Variants in MAP4K4 observed in about 807,000 individuals in gnomAD.
MAP4K4 encodes HPK/GCK-like kinase HGK.
MAP4K4 carries 38 observed loss-of-function variants against 189.6 expected under a neutral mutation model. That is an observed-to-expected ratio of 0.20 (90% confidence interval 0.15 to 0.26). The LOEUF is 0.26. MAP4K4 is among the 10% of genes least tolerant of loss of function. The pLI is 1.00. For synonymous variants in MAP4K4, 610 were observed against 624.3 expected (o/e 0.98, Z 0.34); for missense variants, 1,054 against 1,726.9 (o/e 0.61, Z 6.91).
At chr2:101,856,308 C>CA (rs759587339) in intron 13 of MAP4K4, among the ~76,000 whole-genome samples, 170 bp downstream of exon 13, 37 of 152,236 alleles carry the variant, frequency 2.4e-4, no homozygotes, top group African/African-American at 7.9e-4. Context: ...GTTGGAATGA[C>CA]ACCAATAAAT....
rs1436547658 is a variant in MAP4K4 at position 101,856,579 on chromosome 2, T to TGTA, written c.1395+441_1395+442insGTA. On this transcript the variant is annotated intron_variant, in intron 13 of 32. Coordinates refer to ENST00000324219, the Ensembl canonical transcript of MAP4K4. Reference sequence around the variant, plus strand: ...GGCTAAGTGAATACTGTAATATATATCAGCATGTAATTCTGTATATACACA... The same window carrying TGTA: ...GGCTAAGTGAATACTGTAATATATATGTACAGCATGTAATTCTGTATATACACA... 2.0e-5 allele frequency among the ~76,000 whole-genome samples: 3 copies of TGTA among 152,256 alleles called. No individual in the cohort carries two copies. The East Asian group carries it at 5.8e-4, about 29-fold the overall frequency.
At chr2:101,785,646 A>C (rs2148690444) in intron 2 of MAP4K4, among the ~76,000 whole-genome samples, 1 of 142,428 alleles carries the variant, frequency 7.0e-6, no homozygotes, top group Admixed American at 6.8e-5. Flanking sequence ...GAAGATAGGA[A>C]CATTGCCATC....
intron 2 of MAP4K4, among the ~76,000 whole-genome samples, chr2:101,700,891 T>G (rs1465788831): frequency 6.6e-6 from 1 of 152,200 alleles, no homozygotes; most frequent in African/African-American, 2.4e-5. Context: ...TTTCCTCTTT[T>G]TAACTATTTA....
chr2:101,787,391 T>C (rs1047436329), intron 2 of MAP4K4, among the ~76,000 whole-genome samples: 7 of 152,346 alleles, frequency 4.6e-5, no homozygotes, highest in Non-Finnish European at 7.3e-5. Flanking sequence ...AGTCCATTTA[T>C]AGTTACGTGC....
At chr2:101,765,327 A>T (rs1230402847) in intron 2 of MAP4K4, among the ~76,000 whole-genome samples, 2 of 152,140 alleles carry the variant, frequency 1.3e-5, no homozygotes, top group Non-Finnish European at 1.5e-5. Context: ...AGATACTCGT[A>T]ACTGTTTTTA....
In MAP4K4 at chr2:101,817,545, A is replaced by G. The variant is rs950870347; in HGVS notation, c.181-6383A>G. On this transcript the variant is annotated intron_variant, in intron 3 of 32. Coordinates refer to ENST00000324219, the Ensembl canonical transcript of MAP4K4. ...ATTGTGTAGTTGTCTTCTATATCAC[A>G]TTATTTTTAGATACCAGCTGAGTAG... is the stretch of plus-strand genomic sequence containing the variant. Among the ~76,000 whole-genome samples, 5 of 152,296 alleles carry G rather than the reference A, an allele frequency of 3.3e-5. No homozygotes were observed. In the South Asian group the frequency reaches 8.3e-4, roughly 25 times the overall value.
chr2:101,750,273 A>G (rs1574861163), intron 2 of MAP4K4, among the ~76,000 whole-genome samples: 1 of 137,964 alleles, frequency 7.2e-6, no homozygotes, highest in East Asian at 2.1e-4. Flanking sequence ...ATGTCCAACA[A>G]TGATAGACTG....
intron 12 of MAP4K4, among the ~76,000 whole-genome samples, chr2:101,848,877 A>G (rs1428652837): frequency 1.3e-5 from 2 of 152,046 alleles, no homozygotes; most frequent in African/African-American, 2.4e-5. Context: ...TTTGCTGAAA[A>G]TGAGGTTTTT....
chr2:101,750,824 T>TA lies in MAP4K4; in HGVS notation c.124-39882dup, dbSNP rs201890890. ...CTGGGTGACAGAGTAAGACCCTGTC[T>TA]AAAAAAAAAAAAAAGAAGGAACAAA... On this transcript the variant is annotated intron_variant, in intron 2 of 32. Transcript: ENST00000324219. 1.1e-3 allele frequency among the ~76,000 whole-genome samples: 141 copies of TA among 134,202 alleles called. 1 individual carries two copies. The highest frequency in any genetic ancestry group is 2.3e-3 in the Admixed American group (31 of 13,312). The allele number at this position is 134,202 out of a possible 152,430, so 88.0% of individuals were successfully genotyped here.
At chr2:101,755,640 T>C (rs2072096275) in intron 2 of MAP4K4, among the ~76,000 whole-genome samples, 1 of 152,162 alleles carries the variant, frequency 6.6e-6, no homozygotes, top group African/African-American at 2.4e-5. Flanking sequence ...CTTCTTTCTT[T>C]ATTTTTGCAT....
intron 12 of MAP4K4, among the ~76,000 whole-genome samples, chr2:101,854,460 G>C (rs2097382481): frequency 6.6e-6 from 1 of 152,166 alleles, no homozygotes; most frequent in Non-Finnish European, 1.5e-5. Flanking sequence ...TGAAAACCTA[G>C]ATAATGAGAG....
In MAP4K4 at chr2:101,752,827, A is replaced by G. The variant is rs570687731; in HGVS notation, c.124-37893A>G. 1.6e-4 allele frequency among the ~76,000 whole-genome samples: 25 copies of G among 152,226 alleles called. No homozygotes were observed. In the East Asian group the frequency reaches 3.1e-3, roughly 19 times the overall value. Reference sequence around the variant, plus strand: ...GTCCACATTCCACATCATTATTGCTACTGGCCACTGTCCACGTCTGTGTAT... The same window carrying G: ...GTCCACATTCCACATCATTATTGCTGCTGGCCACTGTCCACGTCTGTGTAT... On this transcript the variant is annotated intron_variant, in intron 2 of 32. Coordinates refer to ENST00000324219, the Ensembl canonical transcript of MAP4K4.
At chr2:101,884,349 T>C (rs536311225) in intron 28 of MAP4K4, among the ~76,000 whole-genome samples, 16 of 152,338 alleles carry the variant, frequency 1.1e-4, no homozygotes, top group Non-Finnish European at 1.2e-4. Context: ...GTTTCTATCA[T>C]CGCAGAAGTC....
At chr2:101,835,731 A>G (rs574631203) in intron 8 of MAP4K4, among the ~76,000 whole-genome samples, 169 bp from the exon 9 acceptor site, 1 of 152,322 alleles carries the variant, frequency 6.6e-6, no homozygotes, top group South Asian at 2.1e-4. Flanking sequence ...TTTAAATGGG[A>G]AATTCAAGAT....
At chr2:101,794,432 A>G (rs1471301335) in intron 3 of MAP4K4, among the ~76,000 whole-genome samples, 1 of 152,232 alleles carries the variant, frequency 6.6e-6, no homozygotes, top group Non-Finnish European at 1.5e-5. Context: ...TTGCATTTTA[A>G]TAGTGTCCCC....
chr2:101,762,656 A>G (rs1399759904), intron 2 of MAP4K4, among the ~76,000 whole-genome samples: 1 of 152,144 alleles, frequency 6.6e-6, no homozygotes, highest in Non-Finnish European at 1.5e-5. Flanking sequence ...CTGGCAGTAA[A>G]TGGAATTTCC....
At chr2:101,743,272 G>GT (rs1426831298) in intron 2 of MAP4K4, among the ~76,000 whole-genome samples, 1 of 152,030 alleles carries the variant, frequency 6.6e-6, no homozygotes, top group African/African-American at 2.4e-5. Flanking sequence ...CTTTTGCCTT[G>GT]TTTTTTGGCT....
chr2:101,885,115 AC>A, intron 28 of MAP4K4, 71 bp from the exon 29 acceptor site: 1 of 709,138 alleles, frequency 1.4e-6, no homozygotes, highest in Non-Finnish European at 2.3e-6. Context: ...GCAGAAGACA[AC>A]TAAAACAGTT....
intron 24 of MAP4K4, among the ~76,000 whole-genome samples, 158 bp from the exon 25 acceptor site, chr2:101,873,489 G>A (rs2098114679): frequency 6.6e-6 from 1 of 152,166 alleles, no homozygotes; most frequent in Non-Finnish European, 1.5e-5. Flanking sequence ...TATGCCACGT[G>A]GAAGCTCCCC....
Sources: allele counts gnomAD v4.1 joint callset (sites outside exome capture counted in the v4.1 genomes callset), GRCh38; gene constraint gnomAD v4.1.1; transcripts MANE v1.5; gene names NCBI Gene and HGNC (gene_info 2026-07-23, HGNC 2026-07-21).